PLEKHA6: variants seen among roughly 807,000 people sequenced by gnomAD.
PLEKHA6 encodes pleckstrin homology domain containing A6, also known as pleckstrin homology domain-containing family A member 6.
In PLEKHA6, 60 loss-of-function variants were observed where a neutral mutation model predicts 116.7. The ratio of observed to expected loss-of-function variants is 0.51; its 90% CI spans 0.42 to 0.64. PLEKHA6 has a LOEUF of 0.64. PLEKHA6 is among the 30% of genes least tolerant of loss of function. The pLI is 0.00. For missense variants in PLEKHA6, 1,338 were observed against 1,422.7 expected, an observed-to-expected ratio of 0.94 and a Z score of 0.96; for synonymous variants, 489 against 556.1, an observed-to-expected ratio of 0.88 and a Z score of 1.70.
chr1:204,220,783 T>C lies in PLEKHA6; in HGVS notation c.*2005A>G, dbSNP rs1467473802. Reference sequence around the variant, plus strand: ...TCTCCATAAAACATATATTAAGGCATGTAAAGCAACATAAAGAGCCAGCTT... The same window carrying C: ...TCTCCATAAAACATATATTAAGGCACGTAAAGCAACATAAAGAGCCAGCTT... On this transcript the variant is annotated 3_prime_UTR_variant, in exon 23 of 23. Coordinates refer to ENST00000272203, the MANE Select transcript of PLEKHA6 (RefSeq NM_014935.5). 1.3e-5 allele frequency: 2 copies of C among 152,202 alleles called. No individual in the cohort carries two copies. Among genetic ancestry groups the C allele is most frequent in the Admixed American group, 1.3e-4 (2 of 15,238 alleles). 9.4% of individuals were successfully genotyped at this position (152,202 alleles called of 1,614,324 possible).
intron 12 of PLEKHA6, 51 bp downstream of exon 12, chr1:204,248,770 G>A (rs367566446): frequency 6.8e-5 from 107 of 1,564,310 alleles, no homozygotes; most frequent in Non-Finnish European, 7.3e-5. Flanking sequence ...TGGTGGCCCT[G>A]CTGCCTAGTG....
In PLEKHA6 at chr1:204,257,927, C is replaced by A; in HGVS notation, c.1008-58G>T. ...ACAACACGGGCACCCCTCCACCCAC[C>A]CCAGCCCCACCTCCAGGTCCCCCAG... On this transcript the variant is annotated intron_variant, in intron 8 of 22. Transcript: ENST00000272203. The surrounding 1 kb of genome is among the most constrained non-coding windows in gnomAD (Gnocchi z 6.5). The A allele has an allele frequency of 6.7e-7, 1 of 1,490,652 alleles. No homozygotes were observed. The allele number at this position is 1,490,652 out of a possible 1,614,324, so 92.3% of individuals were successfully genotyped here.
chr1:204,280,137 A>T (rs1668442714), intron 1 of PLEKHA6, among the ~76,000 whole-genome samples: 1 of 152,146 alleles, frequency 6.6e-6, no homozygotes, highest in Admixed American at 6.5e-5. Flanking sequence ...CTATTTTTCC[A>T]GGCCTTTGTC....
chr1:204,350,959 C>T (rs1202866120), intron 1 of PLEKHA6, among the ~76,000 whole-genome samples: 4 of 152,240 alleles, frequency 2.6e-5, no homozygotes, highest in African/African-American at 7.2e-5. Flanking sequence ...CTGTCTTCCT[C>T]CTTGTCCAGC....
chr1:204,254,021 G>A (rs928962888), intron 9 of PLEKHA6, among the ~76,000 whole-genome samples: 4 of 152,232 alleles, frequency 2.6e-5, no homozygotes, highest in African/African-American at 9.6e-5. Flanking sequence ...GGACAGCTGG[G>A]CATTGTGGAT....
At chr1:204,309,728 AG>A in intron 1 of PLEKHA6, 1 of 918,476 alleles carries the variant, frequency 1.1e-6, no homozygotes, top group Non-Finnish European at 1.3e-6. Context: ...GTATCAATTT[AG>A]TATGATGCTT....
At chr1:204,374,218 G>A (rs1227172027) in intron 1 of PLEKHA6, among the ~76,000 whole-genome samples, 19 of 152,090 alleles carry the variant, frequency 1.2e-4, no homozygotes, top group African/African-American at 4.8e-5. Flanking sequence ...CTCCAGCACC[G>A]GGCTGATGGG....
At chr1:204,333,334 C>T (rs1309208534) in intron 1 of PLEKHA6, among the ~76,000 whole-genome samples, 1 of 152,202 alleles carries the variant, frequency 6.6e-6, no homozygotes, top group Admixed American at 6.5e-5. Context: ...CCCAAAGGCC[C>T]CTTCTTTACT....
chr1:204,340,824 G>A (rs1053782176), intron 1 of PLEKHA6, among the ~76,000 whole-genome samples: 3 of 152,154 alleles, frequency 2.0e-5, no homozygotes, highest in African/African-American at 7.2e-5. Context: ...AATCAGACAG[G>A]GTGCTGATCC....
At position 204,249,150 on chromosome 1, in the gene PLEKHA6, C is replaced by G. The variant is rs749916818; in HGVS notation, c.1674+34G>C. Reference sequence around the variant, plus strand: ...CCTTCTCCAAGCCAGCCTCGCCCATCTGCCCCAGCTTAAAGCCACCCCCAG... The same window carrying G: ...CCTTCTCCAAGCCAGCCTCGCCCATGTGCCCCAGCTTAAAGCCACCCCCAG... On this transcript the variant is annotated intron_variant, in intron 11 of 22. Coordinates refer to ENST00000272203, the MANE Select transcript of PLEKHA6 (RefSeq NM_014935.5). 5.1e-6 allele frequency: 8 copies of G among 1,578,914 alleles called. No homozygotes were observed. In the Admixed American group the frequency reaches 1.3e-4, roughly 26 times the overall value.
chr1:204,266,678 A>T (rs1666864762), intron 5 of PLEKHA6, among the ~76,000 whole-genome samples: 1 of 152,176 alleles, frequency 6.6e-6, no homozygotes, highest in Non-Finnish European at 1.5e-5. Flanking sequence ...TTGTTTGCCA[A>T]AGTTAATGAT....
intron 17 of PLEKHA6, among the ~76,000 whole-genome samples, chr1:204,241,172 C>A (rs976374046): frequency 2.0e-5 from 3 of 152,198 alleles, no homozygotes; most frequent in Admixed American, 2.0e-4. Context: ...CTGACCAATG[C>A]AGCATAGCTT....
intron 1 of PLEKHA6, chr1:204,317,132 G>T: frequency 4.3e-6 from 2 of 465,990 alleles, no homozygotes; most frequent in Non-Finnish European, 5.6e-6. Flanking sequence ...CAGCTCTTCT[G>T]AGCATAAAAT....
chr1:204,313,658 C>T (rs559530571), intron 1 of PLEKHA6: 2 of 984,988 alleles, frequency 2.0e-6, no homozygotes, highest in South Asian at 4.7e-5. Context: ...ACCTCCATGC[C>T]CCCATCCTCA....
At position 204,268,312 on chromosome 1, in the gene PLEKHA6, C is replaced by T; in HGVS notation, c.103G>A (p.Ala35Thr). 6.2e-7 allele frequency: 1 copy of T among 1,602,462 alleles called. No homozygotes were observed. Among genetic ancestry groups the T allele is most frequent in the Non-Finnish European group, 8.5e-7 (1 of 1,173,850 alleles). The change falls in exon 4 of 23, where the codon GCA becomes ACA. Residue 35 changes from alanine (A) to threonine (T), a missense_variant and splice_region_variant. Transcript: ENST00000272203. ...ACGGCTTTGCGGGCTGTGCGAGTTG[C>T]CTGGGGGCAGAGAGAGAAGCTGATC... is the stretch of plus-strand genomic sequence containing the variant. ...EVPPERPSVR[A>T]TRTARKAVAF... is the part of the protein sequence containing the mutation.
intron 17 of PLEKHA6, among the ~76,000 whole-genome samples, chr1:204,236,036 G>T (rs1270851487): frequency 3.9e-5 from 6 of 152,210 alleles, no homozygotes; most frequent in Admixed American, 6.5e-5. Context: ...GACCCATGAG[G>T]AGGTATGCTA....
chr1:204,245,875 CA>C, intron 13 of PLEKHA6, 149 bp from the exon 14 acceptor site: 3 of 574,490 alleles, frequency 5.2e-6, no homozygotes, highest in Non-Finnish European at 9.3e-6. Flanking sequence ...CACACACACA[CA>C]CATGCCCCTC....
chr1:204,293,014 C>G (rs971887668), intron 1 of PLEKHA6, among the ~76,000 whole-genome samples: 1 of 152,158 alleles, frequency 6.6e-6, no homozygotes, highest in Non-Finnish European at 1.5e-5. Flanking sequence ...TGGCATGGAG[C>G]CCCACCTCTC....
chr1:204,272,448 C>T (rs1394400202), intron 3 of PLEKHA6, among the ~76,000 whole-genome samples: 4 of 152,174 alleles, frequency 2.6e-5, no homozygotes, highest in African/African-American at 9.6e-5. Flanking sequence ...GCGTTACCTT[C>T]TAGCTTCCAT....
Sources: allele counts gnomAD v4.1 joint callset (sites outside exome capture counted in the v4.1 genomes callset), GRCh38; gene constraint gnomAD v4.1.1; non-coding constraint Gnocchi (gnomAD v3.1); transcripts MANE v1.5; gene names NCBI Gene and HGNC (gene_info 2026-07-23, HGNC 2026-07-21).